Variants in CDH13 observed in about 807,000 individuals in gnomAD.
The protein encoded by CDH13 is cadherin-13.
Under a neutral mutation model 63.8 loss-of-function variants are expected in CDH13, and 24 were observed. That is an observed-to-expected ratio of 0.38 (90% CI 0.27 to 0.53). The LOEUF is 0.53. CDH13 is among the 20% of genes least tolerant of loss of function. The pLI, the probability that CDH13 is intolerant of heterozygous loss-of-function variation, is 0.85. For synonymous variants in CDH13, 503 were observed against 355.3 expected, an observed-to-expected ratio of 1.42 and a Z score of -4.67; for missense variants, 1,049 against 903.1, an observed-to-expected ratio of 1.16 and a Z score of -2.07.
intron 2 of CDH13, among the ~76,000 whole-genome samples, chr16:82,925,123 G>GAGGGGA (rs942269195): frequency 2.2e-4 from 34 of 152,212 alleles, no homozygotes; most frequent in African/African-American, 6.7e-4. Context: ...TCCCCTAGTT[G>GAGGGGA]AGGGGAAGGG....
At chr16:83,148,104 A>G (rs2036828419) in intron 4 of CDH13, among the ~76,000 whole-genome samples, 1 of 151,976 alleles carries the variant, frequency 6.6e-6, no homozygotes, top group Non-Finnish European at 1.5e-5. Context: ...CGCCTGGCTA[A>G]TTTTTGTATT....
At chr16:83,435,846 G>T (rs1336239219) in intron 6 of CDH13, among the ~76,000 whole-genome samples, 2 of 152,198 alleles carry the variant, frequency 1.3e-5, no homozygotes, top group African/African-American at 4.8e-5. Flanking sequence ...TCATTGTATT[G>T]CAGACTCCGC....
At position 83,435,870 on chromosome 16, in the gene CDH13, G is replaced by T. The variant is rs1361810281; in HGVS notation, c.782-50607G>T. On this transcript the variant is annotated intron_variant, in intron 6 of 13. Coordinates refer to ENST00000567109, the MANE Select transcript of CDH13 (RefSeq NM_001257.5). ...TGCAGACTCCGCTGTGTGAAGAGAG[G>T]AATTGTGTGGCTAACACCAGGCCTG... Among the ~76,000 whole-genome samples the T allele has an allele frequency of 2.0e-5, 3 of 152,300 alleles. No homozygotes were observed. The East Asian group carries it at 5.8e-4, about 29-fold the overall frequency.
intron 2 of CDH13, among the ~76,000 whole-genome samples, chr16:82,899,484 G>C (rs955754564): frequency 1.3e-5 from 2 of 152,092 alleles, no homozygotes; most frequent in Non-Finnish European, 2.9e-5. Context: ...CTCAGTTTCA[G>C]ATTTGTTTGA....
intron 5 of CDH13, among the ~76,000 whole-genome samples, chr16:83,259,990 C>G (rs554190730): frequency 3.3e-5 from 5 of 152,022 alleles, no homozygotes; most frequent in African/African-American, 9.6e-5. Flanking sequence ...TTACGTGGCT[C>G]TCTCGGAAGA....
chr16:83,683,531 C>A (rs558750827), intron 10 of CDH13, among the ~76,000 whole-genome samples: 1 of 152,196 alleles, frequency 6.6e-6, no homozygotes, highest in Non-Finnish European at 1.5e-5. Context: ...GAACAGCTTT[C>A]TGTCCCAAGA....
At chr16:83,422,882 T>G (rs1014603458) in intron 6 of CDH13, among the ~76,000 whole-genome samples, 8 of 152,168 alleles carry the variant, frequency 5.3e-5, no homozygotes, top group Non-Finnish European at 1.0e-4. Context: ...GGAACAATGG[T>G]TATGATGATC....
chr16:82,782,562 A>AT (rs1346522360), intron 1 of CDH13, among the ~76,000 whole-genome samples: 34 of 74,766 alleles, frequency 4.5e-4, no homozygotes, highest in Non-Finnish European at 7.3e-4. Context: ...AAAAAAAAAA[A>AT]AAAATAATAA....
At chr16:83,228,495 T>C (rs986289870) in intron 5 of CDH13, among the ~76,000 whole-genome samples, 3 of 152,320 alleles carry the variant, frequency 2.0e-5, no homozygotes, top group African/African-American at 4.8e-5. Context: ...GCTGGGGCAA[T>C]GATTTGCAAC....
chr16:83,039,125 G>C (rs1306152495), intron 3 of CDH13, among the ~76,000 whole-genome samples: 2 of 152,198 alleles, frequency 1.3e-5, no homozygotes, highest in Non-Finnish European at 2.9e-5. Flanking sequence ...TTCCCACGGA[G>C]AGTTATGAGG....
At chr16:83,158,628 A>G (rs1309443451) in intron 4 of CDH13, among the ~76,000 whole-genome samples, 1 of 152,224 alleles carries the variant, frequency 6.6e-6, no homozygotes, top group Non-Finnish European at 1.5e-5. Flanking sequence ...TGGGGTCATA[A>G]GGCCACAGGC....
At chr16:83,312,577 G>C (rs2090023738) in intron 5 of CDH13, among the ~76,000 whole-genome samples, 1 of 152,138 alleles carries the variant, frequency 6.6e-6, no homozygotes, top group Non-Finnish European at 1.5e-5. Flanking sequence ...TCTTGGGCAG[G>C]TTTGGAGGAA....
rs1036827306 is a variant in CDH13 at position 83,321,839 on chromosome 16, T to A, written c.637-23023T>A. ...TCTGCGCCGGGCCAGAAATCTGGAA[T>A]TTTGTTAAACACTTCTGTCTTAAGG... On this transcript the variant is annotated intron_variant, in intron 5 of 13. Transcript: ENST00000567109. 5.7e-4 allele frequency among the ~76,000 whole-genome samples: 87 copies of A among 152,200 alleles called. 3 individuals carry two copies. The highest frequency in any genetic ancestry group is 1.0e-4 in the Non-Finnish European group (7 of 68,026).
At chr16:83,535,316 A>G (rs1433962608) in intron 7 of CDH13, among the ~76,000 whole-genome samples, 1 of 152,248 alleles carries the variant, frequency 6.6e-6, no homozygotes, top group African/African-American at 2.4e-5. Flanking sequence ...GGACAAAGAG[A>G]TACCACTAAA....
At chr16:83,349,295 G>C (rs1240296660) in intron 6 of CDH13, among the ~76,000 whole-genome samples, 2 of 152,312 alleles carry the variant, frequency 1.3e-5, no homozygotes, top group African/African-American at 2.4e-5. Flanking sequence ...CCAAGACATG[G>C]TGTTCATGAG....
chr16:82,692,502 T>A (rs1340847089), intron 1 of CDH13, among the ~76,000 whole-genome samples: 1 of 151,966 alleles, frequency 6.6e-6, no homozygotes, highest in African/African-American at 2.4e-5. Context: ...ATGAGATGTA[T>A]TCACTACCAT....
chr16:83,089,470 C>G (rs2033786910), intron 3 of CDH13, among the ~76,000 whole-genome samples: 1 of 152,328 alleles, frequency 6.6e-6, no homozygotes, highest in South Asian at 2.1e-4. Flanking sequence ...ATGCACCTGC[C>G]TTGCAGGCGT....
chr16:83,104,403 C>A (rs548417220), intron 3 of CDH13, among the ~76,000 whole-genome samples: 2 of 151,832 alleles, frequency 1.3e-5, no homozygotes, highest in Non-Finnish European at 2.9e-5. Context: ...CTCTGTAATG[C>A]GACAAAAAAC....
intron 7 of CDH13, among the ~76,000 whole-genome samples, chr16:83,550,104 A>G (rs2075463284): frequency 6.6e-6 from 1 of 152,222 alleles, no homozygotes; most frequent in Non-Finnish European, 1.5e-5. Flanking sequence ...ACTCTTCAAG[A>G]TTCACAACCT....
Sources: gnomAD v4.1 joint callset for allele counts (sites outside exome capture counted in the v4.1 genomes callset) on GRCh38, gnomAD v4.1.1 for gene constraint, MANE v1.5 for transcripts, NCBI Gene and HGNC (gene_info 2026-07-23, HGNC 2026-07-21) for gene names.